Variants in TBC1D5 observed in about 807,000 individuals in gnomAD.
The protein encoded by TBC1D5 is TBC1 domain family, member 5.
In TBC1D5, 75 loss-of-function variants were observed where a neutral mutation model predicts 100.3. The ratio of observed to expected loss-of-function variants is 0.75; its 90% CI spans 0.62 to 0.91. The LOEUF is 0.91. TBC1D5 is among the 40% of genes least tolerant of loss of function. The pLI is 0.00. For missense variants in TBC1D5, 910 were observed against 942.4 expected (o/e 0.97, Z 0.45); for synonymous variants, 323 against 325.6 (o/e 0.99, Z 0.09).
chr3:17,567,053 A>G (rs943429737), intron 2 of TBC1D5, among the ~76,000 whole-genome samples: 16 of 151,940 alleles, frequency 1.1e-4, no homozygotes, highest in Non-Finnish European at 1.8e-4. Context: ...ATTTTTACCA[A>G]TAAATGACAT....
chr3:17,215,470 G>C (rs1447516181), intron 17 of TBC1D5, among the ~76,000 whole-genome samples: 1 of 152,130 alleles, frequency 6.6e-6, no homozygotes, highest in African/African-American at 2.4e-5. Context: ...AAGGGAAGCA[G>C]GTTTTAGGAA....
intron 4 of TBC1D5, among the ~76,000 whole-genome samples, chr3:17,407,782 C>T (rs567622274): frequency 1.3e-5 from 2 of 152,262 alleles, no homozygotes; most frequent in East Asian, 3.9e-4. Flanking sequence ...CACAACAAGC[C>T]TTCTGCCAAT....
chr3:17,671,007 T>C (rs1444536995), intron 1 of TBC1D5, among the ~76,000 whole-genome samples: 1 of 152,226 alleles, frequency 6.6e-6, no homozygotes, highest in African/African-American at 2.4e-5. Flanking sequence ...CTACCACAAA[T>C]GATTTATTAG....
chr3:17,709,928 C>A (rs939056603), intron 1 of TBC1D5, among the ~76,000 whole-genome samples: 1 of 152,060 alleles, frequency 6.6e-6, no homozygotes, highest in African/African-American at 2.4e-5. Context: ...CTACACCCCA[C>A]GGCCAAGCAA....
At chr3:17,538,204 A>G (rs2096304681) in intron 2 of TBC1D5, among the ~76,000 whole-genome samples, 1 of 152,076 alleles carries the variant, frequency 6.6e-6, no homozygotes, top group African/African-American at 2.4e-5. Context: ...GGTGGTTGTT[A>G]AACTGTCTCT....
intron 13 of TBC1D5, among the ~76,000 whole-genome samples, chr3:17,322,003 C>G (rs535305969): frequency 6.6e-6 from 1 of 152,164 alleles, no homozygotes; most frequent in South Asian, 2.1e-4. Flanking sequence ...ACGAGAGGTA[C>G]AAGTAGCTTA....
intron 3 of TBC1D5, among the ~76,000 whole-genome samples, chr3:17,431,389 T>G (rs886749014): frequency 1.3e-5 from 2 of 151,976 alleles, no homozygotes; most frequent in Non-Finnish European, 2.9e-5. Context: ...AATCTGCAAT[T>G]TTTAGAATAC....
intron 8 of TBC1D5, among the ~76,000 whole-genome samples, chr3:17,397,341 T>A (rs1265210240): frequency 6.6e-6 from 1 of 152,134 alleles, no homozygotes; most frequent in Admixed American, 6.6e-5. Context: ...GGCATACATA[T>A]ACACTATAAA....
intron 2 of TBC1D5, among the ~76,000 whole-genome samples, chr3:17,567,776 C>T (rs989165629): frequency 4.6e-5 from 7 of 151,650 alleles, no homozygotes; most frequent in African/African-American, 1.4e-4. Context: ...GTTAATACTA[C>T]ACATTGAAAA....
chr3:17,417,437 C>T (rs182898695), intron 4 of TBC1D5, among the ~76,000 whole-genome samples: 35 of 147,290 alleles, frequency 2.4e-4, no homozygotes, highest in Non-Finnish European at 3.4e-4. Context: ...TGAGAATATG[C>T]GGTGTTTGGC....
intron 2 of TBC1D5, among the ~76,000 whole-genome samples, chr3:17,532,162 A>C (rs960861740): frequency 4.6e-5 from 7 of 152,202 alleles, no homozygotes; most frequent in African/African-American, 1.7e-4. Context: ...AACCCCATCA[A>C]AAAGTGGGCA....
intron 15 of TBC1D5, among the ~76,000 whole-genome samples, chr3:17,282,289 A>G (rs1288554647): frequency 1.3e-5 from 2 of 152,224 alleles, no homozygotes; most frequent in African/African-American, 2.4e-5. Context: ...GCATTTTAAT[A>G]CTTTTCCATT....
At chr3:17,271,662 T>C (rs531230645) in intron 15 of TBC1D5, among the ~76,000 whole-genome samples, 1 of 151,982 alleles carries the variant, frequency 6.6e-6, no homozygotes, top group Non-Finnish European at 1.5e-5. Flanking sequence ...GTGGCAAGAG[T>C]GGGCAACCTT....
In TBC1D5 at chr3:17,206,737, T is replaced by A. The variant is rs187246453; in HGVS notation, c.1752+7470A>T. Among the ~76,000 whole-genome samples the A allele has an allele frequency of 2.6e-5, 4 of 152,298 alleles. No individual in the cohort carries two copies. The East Asian group carries it at 7.7e-4, about 29-fold the overall frequency. ...CAGAGACTTTCAGCTCAGACCTTTT[T>A]TGATTTCCTGTGGTTTAGAGAGGAT... On this transcript the variant is annotated intron_variant, in intron 18 of 21. Coordinates refer to ENST00000253692, the Ensembl canonical transcript of TBC1D5.
intron 8 of TBC1D5, among the ~76,000 whole-genome samples, chr3:17,394,639 A>G (rs764384222): frequency 5.3e-5 from 8 of 152,156 alleles, no homozygotes; most frequent in Non-Finnish European, 1.0e-4. Flanking sequence ...AATATGCATT[A>G]TATATTAAAG....
intron 15 of TBC1D5, among the ~76,000 whole-genome samples, chr3:17,289,210 C>T (rs1388926764): frequency 2.0e-5 from 3 of 152,152 alleles, no homozygotes; most frequent in African/African-American, 7.2e-5. Context: ...ACTCGCTTGC[C>T]CATGCACCCC....
chr3:17,352,616 G>A (rs1174092299), intron 13 of TBC1D5, among the ~76,000 whole-genome samples: 2 of 117,642 alleles, frequency 1.7e-5, no homozygotes, highest in African/African-American at 6.4e-5. Flanking sequence ...TTGAACAGAA[G>A]ACAAATAACA....
intron 14 of TBC1D5, among the ~76,000 whole-genome samples, chr3:17,304,058 G>A (rs903896316): frequency 3.0e-4 from 45 of 152,060 alleles, no homozygotes; most frequent in Non-Finnish European, 1.0e-4. Context: ...TCCATTCTCT[G>A]TCTTCTCCAC....
chr3:17,283,808 C>A (rs2149974174), intron 15 of TBC1D5, among the ~76,000 whole-genome samples: 1 of 152,152 alleles, frequency 6.6e-6, no homozygotes, highest in Admixed American at 6.5e-5. Context: ...TAATAGCAAG[C>A]CCTCCCTAGC....
Sources: gnomAD v4.1 joint callset for allele counts (sites outside exome capture counted in the v4.1 genomes callset) on GRCh38, gnomAD v4.1.1 for gene constraint, MANE v1.5 for transcripts, NCBI Gene and HGNC (gene_info 2026-07-23, HGNC 2026-07-21) for gene names.